The following SCUBE2 variants were observed in gnomAD, a reference collection of about 807,000 sequenced individuals.
SCUBE2 encodes the protein signal peptide, CUB and EGF-like domain-containing protein 2.
A neutral mutation model predicts 125.9 loss-of-function variants in SCUBE2; 114 were observed. That is an observed-to-expected ratio of 0.91 (90% CI 0.78 to 1.06). SCUBE2 has a LOEUF of 1.06. Ranked by LOEUF, SCUBE2 falls within the 50% of genes least tolerant of loss-of-function variation. The pLI is 0.00. For missense variants in SCUBE2, 1,255 were observed against 1,301.8 expected (o/e 0.96, Z 0.55); for synonymous variants, 459 against 492.9 (o/e 0.93, Z 0.91).
rs1859060079 is a variant in SCUBE2, at chr11:9,056,123, T to C, written c.1091-214A>G. On this transcript the variant is annotated intron_variant, in intron 9 of 22. Transcript: ENST00000649792. ...GACTGCCACGGCCCTCATTTCCACA[T>C]TCTGTTGCAAACTGCACTTCCCTCA... 2.0e-5 allele frequency among the ~76,000 whole-genome samples: 3 copies of C among 152,306 alleles called. No homozygotes were observed. The East Asian group carries it at 5.8e-4, about 29-fold the overall frequency.
At chr11:9,085,643 T>A (rs1861991393) in intron 2 of SCUBE2, among the ~76,000 whole-genome samples, 1 of 151,922 alleles carries the variant, frequency 6.6e-6, no homozygotes, top group African/African-American at 2.4e-5. Flanking sequence ...GGAGAATAAC[T>A]TGAACCTGGG....
Position 9,047,446 on chromosome 11 carries a change from T to C in SCUBE2, c.1912A>G (p.Asn638Asp). 1 of 1,614,160 alleles carries C rather than the reference T, an allele frequency of 6.2e-7. No individual in the cohort carries two copies. The highest frequency in any genetic ancestry group is 1.1e-5 in the South Asian group (1 of 91,074). ...EQFHLQLSGM[N>D]LDVAKKPPRT... Reference sequence around the variant, plus strand: ...GGAGGCTTTTTAGCCACGTCGAGGTTCATGCCTGAGAGCTGGAGGTGAAAC... The same window carrying C: ...GGAGGCTTTTTAGCCACGTCGAGGTCCATGCCTGAGAGCTGGAGGTGAAAC... The change falls in exon 16 of 23, where the codon AAC becomes GAC. Residue 638 changes from asparagine (N) to aspartate (D), a missense_variant. Asn to Asp is a conservative substitution (Grantham distance 23). Coordinates refer to ENST00000649792, the MANE Select transcript of SCUBE2 (RefSeq NM_001367977.2).
chr11:9,051,950 A>G (rs1416104031), intron 13 of SCUBE2, among the ~76,000 whole-genome samples: 2 of 152,178 alleles, frequency 1.3e-5, no homozygotes, highest in Non-Finnish European at 2.9e-5. Context: ...ATAGTGCTTG[A>G]GACTCTGGAC....
Position 9,027,501 on chromosome 11 carries a change from G to C in SCUBE2, c.2564C>G (p.Pro855Arg). The change falls in exon 20 of 23, where the codon CCA (proline) becomes CGA (arginine). Residue 855 changes from proline (P) to arginine (R), a missense_variant. Around this residue, in one of 3 missense-constraint regions of SCUBE2, gnomAD observed 515 missense variants for 515.7 expected, o/e 1.00. Transcript: ENST00000649792. ...CTCGGTGTTGGCTGGGTAATTGCCT[G>C]GGTAGTTTGGGGATTCAATGTACCC... is the stretch of plus-strand genomic sequence containing the variant. The part of the protein sequence containing the change: ...FTGYIESPNY[P>R]GNYPANTECT... The C allele has an allele frequency of 1.2e-6, 2 of 1,614,070 alleles. No homozygotes were observed. The highest frequency in any genetic ancestry group is 1.7e-6 in the Non-Finnish European group (2 of 1,180,004).
rs1405244192 is a variant in SCUBE2 at position 9,069,460 on chromosome 11, T to C, written c.553A>G (p.Ser185Gly). 1.2e-6 allele frequency: 2 copies of C among 1,614,140 alleles called. No homozygotes were observed. The highest frequency in any genetic ancestry group is 1.3e-5 in the African/African-American group (1 of 74,948). ...CTTGGGGCCTCCTTGCAGATGTGACTACAGCCGTGATCCTTATTCATGCAG... is the reference window on the plus strand; with the variant it reads ...CTTGGGGCCTCCTTGCAGATGTGACCACAGCCGTGATCCTTATTCATGCAG... ...LSCMNKDHGCSHICKEAPRGS... is the reference protein window; with the variant it reads ...LSCMNKDHGCGHICKEAPRGS... The change falls in exon 5 of 23, where the codon AGT becomes GGT. Residue 185 changes from serine (S) to glycine (G), a missense_variant. Physicochemically the swap from Ser to Gly is moderately conservative, Grantham distance 56. Coordinates refer to ENST00000649792, the MANE Select transcript of SCUBE2 (RefSeq NM_001367977.2).
At position 9,091,416 on chromosome 11, in the gene SCUBE2, C is replaced by T. The variant is rs769231096; in HGVS notation, c.113G>A (p.Arg38His). 9 of 1,312,512 alleles carry T rather than the reference C, an allele frequency of 6.9e-6. No homozygotes were observed. Among genetic ancestry groups the T allele is most frequent in the Admixed American group, 7.6e-5 (2 of 26,354 alleles). The allele number at this position is 1,312,512 out of a possible 1,614,324, so 81.3% of individuals were successfully genotyped here. ...CTCACCCTCCTGCGGCCCCGCGGCA[C>T]GGCCCCGACCCGGCGGGACGGCCCC... ...LAGAVPPGRG[R>H]AAGPQEDVDE... Residue 38 changes from arginine to histidine, a missense_variant, in exon 1 of 23, where the codon CGT (arginine) becomes CAT (histidine). Physicochemically the swap from Arg to His is conservative, Grantham distance 29. This residue lies in a region of SCUBE2 where 362 missense variants were observed against 323.0 expected (regional missense o/e 1.12). Transcript: ENST00000649792. This position sits in a 1 kb window ranked among gnomAD's most constrained non-coding sequence, Gnocchi z 8.5.
intron 4 of SCUBE2, among the ~76,000 whole-genome samples, chr11:9,074,144 AC>A (rs1564843062): frequency 6.6e-6 from 1 of 152,178 alleles, no homozygotes; most frequent in Non-Finnish European, 1.5e-5. Context: ...GGTTTTCAGC[AC>A]CTTTTTGAAA....
At chr11:9,039,574 G>A (rs979592021) in intron 16 of SCUBE2, among the ~76,000 whole-genome samples, 1 of 152,148 alleles carries the variant, frequency 6.6e-6, no homozygotes, top group Admixed American at 6.5e-5. Flanking sequence ...TCTCTGAGGC[G>A]GAATACTACA....
rs191756734 is a variant in SCUBE2, at chr11:9,081,593, G to C, written c.257-2084C>G. 2.6e-5 allele frequency among the ~76,000 whole-genome samples: 4 copies of C among 152,214 alleles called. No homozygotes were observed. In the East Asian group the frequency reaches 5.8e-4, roughly 22 times the overall value. ...TCAGCCACTTGGGAGGCTGAGGTGA[G>C]AGGATCGCTTGAGACCAGGAGTTTG... On this transcript the variant is annotated intron_variant, in intron 2 of 22. Coordinates refer to ENST00000649792, the MANE Select transcript of SCUBE2 (RefSeq NM_001367977.2).
chr11:9,091,402 G>T lies in SCUBE2; in HGVS notation c.127C>A (p.Gln43Lys). 7.7e-7 allele frequency: 1 copy of T among 1,306,836 alleles called. No homozygotes were observed. The highest frequency in any genetic ancestry group is 2.2e-5 in the South Asian group (1 of 44,660). The allele number at this position is 1,306,836 out of a possible 1,614,324, so 81.0% of individuals were successfully genotyped here. The change falls in exon 1 of 23, where the codon CAG becomes AAG. Residue 43 changes from glutamine to lysine, a missense_variant. Gln to Lys is a moderately conservative substitution (Grantham distance 53, BLOSUM62 1). Around this residue, in one of 3 missense-constraint regions of SCUBE2, gnomAD observed 362 missense variants for 323.0 expected, o/e 1.12. Transcript: ENST00000649792. The surrounding 1 kb of genome is among the most constrained non-coding windows in gnomAD (Gnocchi z 8.5). ...PPGRGRAAGP[Q>K]EDVDECAQGL... ...CCCGCGGCCGGACACTCACCCTCCT[G>T]CGGCCCCGCGGCACGGCCCCGACCC...
At chr11:9,046,690 C>T (rs1230186569) in intron 16 of SCUBE2, among the ~76,000 whole-genome samples, 2 of 152,202 alleles carry the variant, frequency 1.3e-5, no homozygotes, top group Admixed American at 6.5e-5. Flanking sequence ...GATCAACCAG[C>T]TGGGCTGTTT....
chr11:9,023,241 T>A (rs765766215), intron 21 of SCUBE2, among the ~76,000 whole-genome samples: 1 of 152,218 alleles, frequency 6.6e-6, no homozygotes, highest in Non-Finnish European at 1.5e-5. Context: ...TGAAATTGTG[T>A]GAGAGGAACT....
chr11:9,038,282 T>C (rs939439523), intron 16 of SCUBE2, among the ~76,000 whole-genome samples: 1 of 151,936 alleles, frequency 6.6e-6, no homozygotes, highest in Non-Finnish European at 1.5e-5. Flanking sequence ...GGGATGGAGT[T>C]TGTATATATG....
chr11:9,082,521 G>C (rs1321989607), intron 2 of SCUBE2, among the ~76,000 whole-genome samples: 2 of 151,908 alleles, frequency 1.3e-5, no homozygotes, highest in Non-Finnish European at 2.9e-5. Context: ...AGACTTTCAT[G>C]CAAGTGTTCA....
intron 13 of SCUBE2, among the ~76,000 whole-genome samples, chr11:9,051,514 G>T (rs558275407): frequency 1.4e-4 from 22 of 152,202 alleles, no homozygotes; most frequent in Non-Finnish European, 2.5e-4. Context: ...GTCTGAGAGG[G>T]AGTGAGGGTC....
chr11:9,069,203 C>G (rs1365087185), intron 5 of SCUBE2, among the ~76,000 whole-genome samples, 167 bp downstream of exon 5: 1 of 152,196 alleles, frequency 6.6e-6, no homozygotes, highest in Non-Finnish European at 1.5e-5. Context: ...TAAGGGAGAC[C>G]ACCCTTCTGC....
At chr11:9,044,962 G>A (rs10769987) in intron 16 of SCUBE2, among the ~76,000 whole-genome samples, 65,604 of 151,938 alleles carry the variant, frequency 0.43, 14,621 homozygotes, top group Non-Finnish European at 0.48. Context: ...CCTTGGCCTG[G>A]CACTTTCCAT....
intron 7 of SCUBE2, 28 bp downstream of exon 7, chr11:9,065,863 G>T (rs766874500): frequency 1.2e-5 from 19 of 1,593,638 alleles, no homozygotes; most frequent in Non-Finnish European, 1.6e-5. Context: ...AATTGCAGTG[G>T]CCAAGGAAAG....
Position 9,047,532 on chromosome 11 carries a change from C to T in SCUBE2, c.1826G>A (p.Arg609Gln), listed in dbSNP as rs756925394. The T allele has an allele frequency of 4.2e-5, 68 of 1,613,906 alleles. No individual in the cohort carries two copies. Among genetic ancestry groups the T allele is most frequent in the Admixed American group, 2.3e-4 (14 of 59,986 alleles). ...ASCDLSCIVK[R>Q]TEKRLRKAIR... Reference sequence around the variant, plus strand: ...GGCTTTACGGAGCCGCTTCTCGGTTCGCTTTACGATGCAGCTCAGGTCACA... The same window carrying T: ...GGCTTTACGGAGCCGCTTCTCGGTTTGCTTTACGATGCAGCTCAGGTCACA... Residue 609 changes from arginine (R) to glutamine (Q), a missense_variant, in exon 16 of 23, where the codon CGA becomes CAA. Around this residue, in one of 3 missense-constraint regions of SCUBE2, gnomAD observed 378 missense variants for 463.1 expected, o/e 0.82. Coordinates refer to ENST00000649792, the MANE Select transcript of SCUBE2 (RefSeq NM_001367977.2).
Sources: allele counts gnomAD v4.1 joint callset (sites outside exome capture counted in the v4.1 genomes callset), GRCh38; gene constraint gnomAD v4.1.1; regional missense constraint gnomAD v4.1.1; non-coding constraint Gnocchi (gnomAD v3.1); transcripts MANE v1.5; gene names NCBI Gene and HGNC (gene_info 2026-07-23, HGNC 2026-07-21).